Variants in DOK6 observed in about 807,000 individuals in gnomAD.
The protein encoded by DOK6 is downstream of tyrosine kinase 6.
Under a neutral mutation model 44.0 loss-of-function variants are expected in DOK6, and 22 were observed. The ratio of observed to expected loss-of-function variants is 0.50; its 90% CI spans 0.36 to 0.71. The LOEUF (loss-of-function observed/expected upper bound fraction) is 0.71. Among genes scored for constraint, DOK6 ranks in the 30% least tolerant of loss-of-function variants. The pLI, the probability that DOK6 is intolerant of heterozygous loss-of-function variation, is 0.00. For synonymous variants in DOK6, 166 were observed against 145.5 expected (o/e 1.14, Z -1.01); for missense variants, 340 against 416.4 (o/e 0.82, Z 1.60).
Position 69,564,107 on chromosome 18 carries a change from AAGAT to A in DOK6, c.67-374_67-371del, listed in dbSNP as rs1306769954. On this transcript the variant is annotated intron_variant, in intron 1 of 7. Transcript: ENST00000382713. ...AAATTTTCAAATGTGATTTTTTTCA[AAGAT>A]AGATAATTATTATGTAAGTGCTTCA... Among the ~76,000 whole-genome samples the A allele has an allele frequency of 1.0e-2, 164 of 16,424 alleles. 1 individual carries two copies. The highest frequency in any genetic ancestry group is 0.014 in the Admixed American group (8 of 574). The allele number at this position is 16,424 out of a possible 152,430, so 10.8% of individuals were successfully genotyped here. A position where few individuals can be genotyped will look rare whatever the true frequency, so the allele number is the denominator to read the frequency against.
intron 1 of DOK6, among the ~76,000 whole-genome samples, chr18:69,455,830 T>C (rs1979619719): frequency 6.6e-6 from 1 of 152,192 alleles, no homozygotes; most frequent in African/African-American, 2.4e-5. Context: ...AGCTAAATGA[T>C]GGGCAATTTG....
chr18:69,635,302 G>A (rs1247772977), intron 3 of DOK6, among the ~76,000 whole-genome samples: 1 of 152,106 alleles, frequency 6.6e-6, no homozygotes, highest in African/African-American at 2.4e-5. Flanking sequence ...ATATGGATTG[G>A]CTTGAGGCAC....
chr18:69,575,158 T>C (rs1164351024), intron 2 of DOK6, among the ~76,000 whole-genome samples: 1 of 151,848 alleles, frequency 6.6e-6, no homozygotes, highest in Non-Finnish European at 1.5e-5. Flanking sequence ...ATAGGGGAAA[T>C]GGAAGAGAGA....
chr18:69,594,914 C>T (rs1016017093), intron 2 of DOK6, among the ~76,000 whole-genome samples: 1 of 151,998 alleles, frequency 6.6e-6, no homozygotes, highest in East Asian at 1.9e-4. Flanking sequence ...AGTAAAGTTG[C>T]AGCATACAAA....
intron 5 of DOK6, among the ~76,000 whole-genome samples, chr18:69,728,110 G>A (rs1336570556): frequency 1.3e-5 from 2 of 152,236 alleles, no homozygotes; most frequent in East Asian, 1.9e-4. Flanking sequence ...CAGTTTCCTC[G>A]ATCCTAGATT....
At chr18:69,473,380 G>A (rs1039217007) in intron 1 of DOK6, among the ~76,000 whole-genome samples, 4 of 152,162 alleles carry the variant, frequency 2.6e-5, no homozygotes, top group African/African-American at 9.7e-5. Flanking sequence ...ATATCAAAAA[G>A]ATGTTAAAAG....
At chr18:69,575,527 G>A (rs1983218263) in intron 2 of DOK6, among the ~76,000 whole-genome samples, 1 of 152,000 alleles carries the variant, frequency 6.6e-6, no homozygotes, top group African/African-American at 2.4e-5. Context: ...GTATTTCACA[G>A]GTATTTCAAT....
intron 3 of DOK6, among the ~76,000 whole-genome samples, chr18:69,667,191 C>G (rs1250952266): frequency 6.6e-6 from 1 of 152,124 alleles, no homozygotes; most frequent in African/African-American, 2.4e-5. Context: ...TTCTCATGCC[C>G]CTGCACACAT....
chr18:69,546,637 CTGCTTGG>C (rs1487601171), intron 1 of DOK6, among the ~76,000 whole-genome samples: 1 of 151,566 alleles, frequency 6.6e-6, no homozygotes, highest in African/African-American at 2.4e-5. Context: ...TCACTATGGA[CTGCTTGG>C]TGCCTCTTAA....
intron 1 of DOK6, among the ~76,000 whole-genome samples, chr18:69,509,366 G>T (rs9319782): frequency 1.3e-5 from 2 of 151,984 alleles, no homozygotes; most frequent in Non-Finnish European, 2.9e-5. Context: ...GGCCGGGCGC[G>T]GTGGTTCACG....
At chr18:69,638,032 A>G (rs1047968406) in intron 3 of DOK6, among the ~76,000 whole-genome samples, 2 of 152,138 alleles carry the variant, frequency 1.3e-5, no homozygotes, top group Non-Finnish European at 2.9e-5. Flanking sequence ...TAGAACTCAG[A>G]GCTCCTAATT....
intron 3 of DOK6, among the ~76,000 whole-genome samples, chr18:69,642,093 T>C (rs1409903499): frequency 2.6e-5 from 4 of 152,250 alleles, no homozygotes; most frequent in Non-Finnish European, 5.9e-5. Context: ...TGTTTACTTA[T>C]TTCTCTTTCC....
chr18:69,527,885 G>A (rs565417077), intron 1 of DOK6, among the ~76,000 whole-genome samples: 43 of 152,186 alleles, frequency 2.8e-4, no homozygotes, highest in Admixed American at 1.3e-3. Context: ...TCACCTGGCC[G>A]GGTGCGGTGG....
chr18:69,490,804 AT>A, intron 1 of DOK6, among the ~76,000 whole-genome samples: 1 of 152,226 alleles, frequency 6.6e-6, no homozygotes, highest in Non-Finnish European at 1.5e-5. Flanking sequence ...AAGTGTTTTT[AT>A]TTAAAGCCTT....
chr18:69,559,500 C>T (rs1331166710), intron 1 of DOK6, among the ~76,000 whole-genome samples: 10 of 152,092 alleles, frequency 6.6e-5, no homozygotes, highest in Non-Finnish European at 4.4e-5. Flanking sequence ...CTCTATACAT[C>T]CCACTTTGCA....
chr18:69,707,504 T>C (rs1986661166), intron 5 of DOK6, among the ~76,000 whole-genome samples: 1 of 152,226 alleles, frequency 6.6e-6, no homozygotes. Flanking sequence ...CAGTGCCCTG[T>C]ATCTTAGGGC....
chr18:69,796,761 G>A (rs1980757819), intron 7 of DOK6, among the ~76,000 whole-genome samples: 1 of 150,176 alleles, frequency 6.7e-6, no homozygotes, highest in Non-Finnish European at 1.5e-5. Flanking sequence ...CCACAACTGT[G>A]AAGCCAGCTG....
At chr18:69,734,830 T>C (rs756755024) in intron 5 of DOK6, among the ~76,000 whole-genome samples, 3 of 152,166 alleles carry the variant, frequency 2.0e-5, no homozygotes, top group Non-Finnish European at 4.4e-5. Context: ...AATGTCTCCA[T>C]AATTTTTGAC....
At chr18:69,570,282 G>A (rs182693615) in intron 2 of DOK6, among the ~76,000 whole-genome samples, 31 of 152,136 alleles carry the variant, frequency 2.0e-4, no homozygotes, top group Admixed American at 1.7e-3. Flanking sequence ...GGAAATTTTA[G>A]AACTACAAGT....
Sources: gnomAD v4.1 joint callset for allele counts (sites outside exome capture counted in the v4.1 genomes callset) on GRCh38, gnomAD v4.1.1 for gene constraint, MANE v1.5 for transcripts, NCBI Gene and HGNC (gene_info 2026-07-23, HGNC 2026-07-21) for gene names.